RALGAPB: variants seen among roughly 807,000 people sequenced by gnomAD.
The protein encoded by RALGAPB is Ral GTPase activating protein non-catalytic subunit beta, also known as ral GTPase-activating protein subunit beta.
Under a neutral mutation model 161.1 loss-of-function variants are expected in RALGAPB, and 25 were observed. The observed-to-expected ratio is 0.16, with a 90% confidence interval of 0.11 to 0.22. The LOEUF (loss-of-function observed/expected upper bound fraction) is 0.22. Ranked by LOEUF, RALGAPB falls within the 10% of genes least tolerant of loss-of-function variation. The pLI, the probability that RALGAPB is intolerant of heterozygous loss-of-function variation, is 1.00. For missense variants in RALGAPB, 1,391 were observed against 1,815.2 expected (o/e 0.77, Z 4.25); for synonymous variants, 629 against 626.1 (o/e 1.00, Z -0.07).
chr20:38,548,830 G>A, intron 20 of RALGAPB, 35 bp downstream of exon 20: 3 of 1,512,566 alleles, frequency 2.0e-6, no homozygotes, highest in Non-Finnish European at 2.8e-6. Context: ...GTGTGTGTGT[G>A]TTTTGTAATT....
chr20:38,562,405 C>T, intron 23 of RALGAPB, 127 bp from the exon 24 acceptor site: 1 of 833,074 alleles, frequency 1.2e-6, no homozygotes, highest in South Asian at 2.2e-5. Flanking sequence ...GTGATATATC[C>T]TCAAATTTAT....
chr20:38,485,185 G>A (rs1449816497), intron 1 of RALGAPB, among the ~76,000 whole-genome samples: 1 of 152,178 alleles, frequency 6.6e-6, no homozygotes, highest in Admixed American at 6.5e-5. Flanking sequence ...TCTAGCAGAT[G>A]TTCAAAAGTC....
chr20:38,503,331 A>AG (rs777229405), intron 5 of RALGAPB, among the ~76,000 whole-genome samples: 3 of 152,178 alleles, frequency 2.0e-5, no homozygotes, highest in Non-Finnish European at 4.4e-5. Flanking sequence ...CCTATTGTTC[A>AG]GGGGTCAACT....
At chr20:38,569,614 A>C (rs2088152825) in intron 26 of RALGAPB, 2 of 350,630 alleles carry the variant, frequency 5.7e-6, no homozygotes, top group African/African-American at 4.1e-5. Flanking sequence ...ACTGTGTGTA[A>C]ATTTTGTTTT....
intron 5 of RALGAPB, among the ~76,000 whole-genome samples, chr20:38,502,451 G>C (rs142256853): frequency 6.6e-6 from 1 of 152,198 alleles, no homozygotes; most frequent in Non-Finnish European, 1.5e-5. Flanking sequence ...TGCTTGATAC[G>C]TTCTGTTGTT....
intron 9 of RALGAPB, among the ~76,000 whole-genome samples, chr20:38,521,206 G>A (rs2086279744): frequency 1.3e-5 from 2 of 152,214 alleles, no homozygotes; most frequent in Non-Finnish European, 2.9e-5. Flanking sequence ...ATATCTGTAT[G>A]TGGATACAGA....
chr20:38,499,776 A>G (rs940528512), intron 5 of RALGAPB, 143 bp downstream of exon 5: 2 of 685,250 alleles, frequency 2.9e-6, no homozygotes, highest in Non-Finnish European at 4.3e-6. Flanking sequence ...TTAAATATAG[A>G]TATAACAGTT....
At chr20:38,484,754 G>A (rs1410063432) in intron 1 of RALGAPB, among the ~76,000 whole-genome samples, 2 of 152,176 alleles carry the variant, frequency 1.3e-5, no homozygotes, top group Non-Finnish European at 2.9e-5. Flanking sequence ...GGAGTGCAAT[G>A]GCGCGATCTC....
intron 23 of RALGAPB, among the ~76,000 whole-genome samples, chr20:38,559,941 C>G (rs1012937184): frequency 6.6e-6 from 1 of 152,108 alleles, no homozygotes; most frequent in African/African-American, 2.4e-5. Flanking sequence ...GTGTAGGGCA[C>G]TGTGACTACA....
chr20:38,521,995 T>A (rs556121820), intron 10 of RALGAPB, among the ~76,000 whole-genome samples: 2 of 152,248 alleles, frequency 1.3e-5, no homozygotes, highest in Non-Finnish European at 2.9e-5. Flanking sequence ...AGTATTCCCA[T>A]GTAGGCAGTC....
intron 18 of RALGAPB, among the ~76,000 whole-genome samples, chr20:38,545,604 A>G (rs1359974542): frequency 6.6e-6 from 1 of 152,246 alleles, no homozygotes; most frequent in African/African-American, 2.4e-5. Context: ...AAAGCTCTCT[A>G]ACAATGGAGA....
At chr20:38,540,598 A>G (rs2086935995) in intron 17 of RALGAPB, among the ~76,000 whole-genome samples, 1 of 152,196 alleles carries the variant, frequency 6.6e-6, no homozygotes, top group Non-Finnish European at 1.5e-5. Context: ...AATACCAGAA[A>G]TTACTTAAAA....
At chr20:38,502,848 G>A (rs1891097) in intron 5 of RALGAPB, among the ~76,000 whole-genome samples, 11,138 of 152,102 alleles carry the variant, frequency 0.073, 1,420 homozygotes, top group African/African-American at 0.25. Context: ...CATGTGAGCC[G>A]CCCCACCTCT....
At chr20:38,537,763 G>C (rs1355071405) in intron 16 of RALGAPB, 1 of 152,118 alleles carries the variant, frequency 6.6e-6, no homozygotes, top group Non-Finnish European at 1.5e-5. Flanking sequence ...GCAATATGGT[G>C]GTGAAAATTT....
chr20:38,474,057 C>A (rs34014949), intron 1 of RALGAPB, among the ~76,000 whole-genome samples: 14,348 of 152,226 alleles, frequency 0.094, 943 homozygotes, highest in Non-Finnish European at 0.14. Flanking sequence ...GGATGGAATT[C>A]TCTGCAGGGA....
intron 25 of RALGAPB, 110 bp from the exon 26 acceptor site, chr20:38,566,986 A>G (rs1223536094): frequency 9.6e-6 from 14 of 1,453,566 alleles, no homozygotes; most frequent in Non-Finnish European, 1.2e-5. Flanking sequence ...TCTCGAAGCA[A>G]TGCTTTGTTT....
intron 2 of RALGAPB, among the ~76,000 whole-genome samples, chr20:38,492,209 C>T (rs1395038442): frequency 6.6e-6 from 1 of 152,126 alleles, no homozygotes; most frequent in Admixed American, 6.5e-5. Flanking sequence ...TTTTATAAAC[C>T]AGTGACTTGG....
At chr20:38,526,278 TCTC>T in intron 13 of RALGAPB, among the ~76,000 whole-genome samples, 1 of 152,034 alleles carries the variant, frequency 6.6e-6, no homozygotes, top group East Asian at 1.9e-4. Flanking sequence ...TTCTTTCTCT[TCTC>T]CCTTCTCTCC....
At position 38,532,746 on chromosome 20, in the gene RALGAPB, A is replaced by C; in HGVS notation, c.2132A>C (p.Asn711Thr). 1.2e-6 allele frequency: 2 copies of C among 1,613,924 alleles called. No homozygotes were observed. The highest frequency in any genetic ancestry group is 1.7e-6 in the Non-Finnish European group (2 of 1,179,866). The change falls in exon 15 of 30, where the codon AAC becomes ACC. Residue 711 changes from asparagine (N) to threonine (T), a missense_variant. By Grantham distance (65) the Asn-to-Thr change is moderately conservative (BLOSUM62 0). This residue lies in a region of RALGAPB where 946 missense variants were observed against 1,257.2 expected (regional missense o/e 0.75). Coordinates refer to ENST00000262879, the MANE Select transcript of RALGAPB (RefSeq NM_020336.4). ...CQMEMGGGENNLKSHSRTNSG... is the reference protein window; with the variant it reads ...CQMEMGGGENTLKSHSRTNSG... Reference sequence around the variant, plus strand: ...TTTGACTAGGGTGGTGGAGAAAATAACCTGAAGAGTCATAGTCGCACCAAT... The same window carrying C: ...TTTGACTAGGGTGGTGGAGAAAATACCCTGAAGAGTCATAGTCGCACCAAT...
Sources: allele counts gnomAD v4.1 joint callset (sites outside exome capture counted in the v4.1 genomes callset), GRCh38; gene constraint gnomAD v4.1.1; regional missense constraint gnomAD v4.1.1; transcripts MANE v1.5; gene names NCBI Gene and HGNC (gene_info 2026-07-23, HGNC 2026-07-21).